The following FANCM variants were observed in gnomAD, a reference collection of about 807,000 sequenced individuals.
FANCM encodes Fanconi anemia group M protein.
In FANCM, 140 loss-of-function variants were observed where a neutral mutation model predicts 199.5. That is an observed-to-expected ratio of 0.70 (90% CI 0.61 to 0.81). FANCM has a LOEUF of 0.81. Among genes scored for constraint, FANCM ranks in the 30% least tolerant of loss-of-function variants. The pLI, the probability that FANCM is intolerant of heterozygous loss-of-function variation, is 0.00. For missense variants in FANCM, 2,410 were observed against 2,421.4 expected (o/e 1.00, Z 0.10); for synonymous variants, 840 against 836.8 (o/e 1.00, Z -0.07).
chr14:45,196,480 G>C lies in FANCM; in HGVS notation c.5649G>C (p.Gln1883His), dbSNP rs1285986414. The change falls in exon 21 of 23, where the codon CAG becomes CAC. Residue 1883 changes from glutamine (Q) to histidine (H), a missense_variant. Transcript: ENST00000267430. ...TCAATAAGAACAAGTTCATTGAGCAGATCCAGCACCTGCAGAGTATGTTTG... is the reference window on the plus strand; with the variant it reads ...TCAATAAGAACAAGTTCATTGAGCACATCCAGCACCTGCAGAGTATGTTTG... The part of the protein sequence containing the change: ...NSVNKNKFIE[Q>H]IQHLQSMFER... 1 of 1,614,104 alleles carries C rather than the reference G, an allele frequency of 6.2e-7. No individual in the cohort carries two copies. The highest frequency in any genetic ancestry group is 8.5e-7 in the Non-Finnish European group (1 of 1,179,972).
rs2139103759 is a variant in FANCM, at chr14:45,136,478, G to A, written c.447G>A (p.Gln149=). 1 of 1,614,112 alleles carries A rather than the reference G, an allele frequency of 6.2e-7. No homozygotes were observed. Among genetic ancestry groups the A allele is most frequent in the Non-Finnish European group, 8.5e-7 (1 of 1,180,014 alleles). Reference sequence around the variant, plus strand: ...CCCCAACGAAACCCTTGGTGACACAGCAGATCGAGGCTTGCTACCAGGTGA... The same window carrying A: ...CCCCAACGAAACCCTTGGTGACACAACAGATCGAGGCTTGCTACCAGGTGA... ...FMAPTKPLVT[Q]QIEACYQVMG... Residue 149 remains glutamine, a synonymous_variant, in exon 1 of 23, where the codon CAG becomes CAA. Transcript: ENST00000267430.
At chr14:45,160,150 C>T (rs1265065068) in intron 9 of FANCM, among the ~76,000 whole-genome samples, 5 of 150,546 alleles carry the variant, frequency 3.3e-5, no homozygotes, top group African/African-American at 7.3e-5. Context: ...CAGGCACCCA[C>T]GCCTGGCTAA....
At chr14:45,163,270 A>T (rs1887732764) in intron 9 of FANCM, among the ~76,000 whole-genome samples, 1 of 152,210 alleles carries the variant, frequency 6.6e-6, no homozygotes, top group Admixed American at 6.5e-5. Flanking sequence ...TATCTACCTC[A>T]TAGGGTCGTT....
At chr14:45,184,220 A>G (rs930963286) in intron 17 of FANCM, among the ~76,000 whole-genome samples, 4 of 152,140 alleles carry the variant, frequency 2.6e-5, no homozygotes, top group Non-Finnish European at 4.4e-5. Flanking sequence ...TGCTTTTATG[A>G]TCATTATATT....
chr14:45,184,660 C>CAAAAAA (rs776110476), intron 17 of FANCM, among the ~76,000 whole-genome samples: 41 of 62,166 alleles, frequency 6.6e-4, no homozygotes, highest in African/African-American at 2.5e-3. Context: ...GACTCTGTCT[C>CAAAAAA]AAAAAAAAAA....
At chr14:45,154,661 A>T (rs1052697630) in intron 6 of FANCM, 36 bp from the exon 7 acceptor site, 1 of 1,355,164 alleles carries the variant, frequency 7.4e-7, no homozygotes, top group Admixed American at 1.8e-5. Context: ...CAGTTTTATT[A>T]TTATTTATTT....
chr14:45,185,166 A>T (rs1889316147), intron 17 of FANCM, 51 bp from the exon 18 acceptor site: 1 of 1,213,120 alleles, frequency 8.2e-7, no homozygotes, highest in Non-Finnish European at 1.2e-6. Context: ...ATCATGAAAG[A>T]AAATTATTTT....
rs1890068700 is a variant in FANCM at position 45,196,513 on chromosome 14, A to G, written c.5682A>G (p.Ile1894Met). 1 of 1,614,094 alleles carries G rather than the reference A, an allele frequency of 6.2e-7. No individual in the cohort carries two copies. The highest frequency in any genetic ancestry group is 1.7e-5 in the Admixed American group (1 of 60,022). Residue 1894 changes from isoleucine to methionine, a missense_variant, in exon 21 of 23, where the codon ATA (isoleucine) becomes ATG (methionine). Coordinates refer to ENST00000267430, the MANE Select transcript of FANCM (RefSeq NM_020937.4). ...IQHLQSMFER[I>M]CVIVEKDREK... ...ACCTGCAGAGTATGTTTGAAAGAAT[A>G]TGTGTGATTGTGGAAAAGGACAGAG...
At chr14:45,140,780 C>G (rs187309200) in intron 3 of FANCM, 71 bp downstream of exon 3, 2 of 934,466 alleles carry the variant, frequency 2.1e-6, no homozygotes, top group Non-Finnish European at 3.5e-6. Flanking sequence ...GTGAGTCATA[C>G]CTGTAATCCT....
chr14:45,183,941 T>G (rs1241234980), intron 17 of FANCM, 39 bp downstream of exon 17: 2 of 1,450,994 alleles, frequency 1.4e-6, no homozygotes, highest in African/African-American at 2.8e-5. Flanking sequence ...TGTATGCATT[T>G]TATCAGTAAA....
chr14:45,136,796 G>A (rs1178137421), intron 1 of FANCM, among the ~76,000 whole-genome samples: 1 of 152,150 alleles, frequency 6.6e-6, no homozygotes, highest in African/African-American at 2.4e-5. Context: ...CATTCTTCCT[G>A]AAAAAGATTT....
rs1890215892 is a variant in FANCM at position 45,198,868 on chromosome 14, A to G, written c.5941A>G (p.Asn1981Asp). 2 of 1,611,552 alleles carry G rather than the reference A, an allele frequency of 1.2e-6. No individual in the cohort carries two copies. The highest frequency in any genetic ancestry group is 2.2e-5 in the South Asian group (2 of 90,994). The change falls in exon 22 of 23, where the codon AAT becomes GAT. Residue 1981 changes from asparagine to aspartate, a missense_variant. Coordinates refer to ENST00000267430, the MANE Select transcript of FANCM (RefSeq NM_020937.4). ...EALQFYLSIP[N>D]ISYITALNMC... ...ACTCCAGTTTTATTTAAGTATTCCC[A>G]ATATAAGTTATATAACTGCATTAAA...
At position 45,175,900 on chromosome 14, in the gene FANCM, T is replaced by C; in HGVS notation, c.3146T>C (p.Leu1049Ser). ...SHSAVNSQQN[L>S]ELNSLKCINY... Reference sequence around the variant, plus strand: ...TCAGCTGTGAATTCTCAACAGAATTTAGAATTGAATTCACTTAAATGTATA... The same window carrying C: ...TCAGCTGTGAATTCTCAACAGAATTCAGAATTGAATTCACTTAAATGTATA... The change falls in exon 14 of 23, where the codon TTA becomes TCA. Residue 1049 changes from leucine (L) to serine (S), a missense_variant. Coordinates refer to ENST00000267430, the MANE Select transcript of FANCM (RefSeq NM_020937.4). 6.2e-7 allele frequency: 1 copy of C among 1,613,068 alleles called. No individual in the cohort carries two copies.
Position 45,187,861 on chromosome 14 carries a change from C to T in FANCM, c.4753C>T (p.His1585Tyr), listed in dbSNP as rs1271342010. 1 of 1,518,520 alleles carries T rather than the reference C, an allele frequency of 6.6e-7. No individual in the cohort carries two copies. Among genetic ancestry groups the T allele is most frequent in the South Asian group, 1.1e-5 (1 of 88,998 alleles). The allele number at this position is 1,518,520 out of a possible 1,614,324, so 94.1% of individuals were successfully genotyped here. Residue 1585 changes from histidine to tyrosine, a missense_variant, in exon 19 of 23, where the codon CAT (histidine) becomes TAT (tyrosine). By Grantham distance (83) the His-to-Tyr change is moderately conservative. Transcript: ENST00000267430. The stretch of plus-strand genomic sequence containing the variant: ...TAAGTACAAAATGATTCATAAGACA[C>T]ATAAAAACATAAACATTTTCTCGCA... ...NNKYKMIHKT[H>Y]KNINIFSQIP...
At chr14:45,153,884 T>A in intron 5 of FANCM, 36 bp from the exon 6 acceptor site, 2 of 1,580,240 alleles carry the variant, frequency 1.3e-6, no homozygotes, top group Non-Finnish European at 1.7e-6. Flanking sequence ...GTTCATTTAT[T>A]TCTCTGGTTA....
chr14:45,156,788 T>A (rs150026153), intron 8 of FANCM, among the ~76,000 whole-genome samples: 60 of 151,796 alleles, frequency 4.0e-4, no homozygotes, highest in African/African-American at 1.4e-3. Flanking sequence ...TGTGGTGGTA[T>A]GTGCCTGTAG....
intron 17 of FANCM, among the ~76,000 whole-genome samples, chr14:45,184,499 T>G (rs548604717): frequency 6.6e-6 from 1 of 151,880 alleles, no homozygotes; most frequent in African/African-American, 2.4e-5. Context: ...CTGTCTCTAC[T>G]AAAAATACAA....
In FANCM at chr14:45,176,145, G is replaced by C. The variant is rs1888674946; in HGVS notation, c.3391G>C (p.Asp1131His). The change falls in exon 14 of 23, where the codon GAT becomes CAT. Residue 1131 changes from aspartate to histidine, a missense_variant. Coordinates refer to ENST00000267430, the MANE Select transcript of FANCM (RefSeq NM_020937.4). Reference sequence around the variant, plus strand: ...CCTCCCAGTATTGTCCACTGATCAAGATGAAAGTTTGCTGTTATTTGAAGA... The same window carrying C: ...CCTCCCAGTATTGTCCACTGATCAACATGAAAGTTTGCTGTTATTTGAAGA... ...SDLPVLSTDQ[D>H]ESLLLFEDVN... 6.2e-7 allele frequency: 1 copy of C among 1,613,938 alleles called. No individual in the cohort carries two copies. Among genetic ancestry groups the C allele is most frequent in the African/African-American group, 1.3e-5 (1 of 74,934 alleles).
rs778926719 is a variant in FANCM at position 45,183,817 on chromosome 14, C to T, written c.4430C>T (p.Pro1477Leu). Residue 1477 changes from proline (P) to leucine (L), a missense_variant, in exon 17 of 23, where the codon CCA becomes CTA. Transcript: ENST00000267430. ...SSDESENFPK[P>L]CSQLEDFKVC... ...GATGAGAGTGAGAATTTTCCCAAAC[C>T]ATGTTCACAATTAGAAGACTTCAAG... 1 of 1,609,352 alleles carries T rather than the reference C, an allele frequency of 6.2e-7. No homozygotes were observed. Among genetic ancestry groups the T allele is most frequent in the African/African-American group, 1.3e-5 (1 of 74,910 alleles).
Sources: gnomAD v4.1 joint callset for allele counts (sites outside exome capture counted in the v4.1 genomes callset) on GRCh38, gnomAD v4.1.1 for gene constraint, MANE v1.5 for transcripts, NCBI Gene and HGNC (gene_info 2026-07-23, HGNC 2026-07-21) for gene names.